Variants in DYNC2H1 observed in about 807,000 individuals in gnomAD.
The protein encoded by DYNC2H1 is dynein cytoplasmic 2 heavy chain 1.
In DYNC2H1, 410 loss-of-function variants were observed where a neutral mutation model predicts 570.0. The observed-to-expected ratio is 0.72, with a 90% CI of 0.66 to 0.78. The LOEUF (loss-of-function observed/expected upper bound fraction) is 0.78. DYNC2H1 is among the 30% of genes least tolerant of loss of function. DYNC2H1 has a pLI of 0.00. For synonymous variants in DYNC2H1, 1,688 were observed against 1,677.6 expected (o/e 1.01, Z -0.15); for missense variants, 4,865 against 5,046.4 (o/e 0.96, Z 1.09).
chr11:103,288,703 A>G (rs1466764780), intron 75 of DYNC2H1, among the ~76,000 whole-genome samples: 2 of 148,016 alleles, frequency 1.4e-5, no homozygotes, highest in South Asian at 2.1e-4. Context: ...AAAAAAAAAA[A>G]AAAAAAAGAA....
intron 70 of DYNC2H1, among the ~76,000 whole-genome samples, chr11:103,269,862 T>C (rs2135303249): frequency 6.6e-6 from 1 of 152,224 alleles, no homozygotes; most frequent in Non-Finnish European, 1.5e-5. Flanking sequence ...ATGGAAGTTG[T>C]TGGAGTATTC....
chr11:103,375,597 C>T (rs1278159974), intron 83 of DYNC2H1, among the ~76,000 whole-genome samples: 1 of 152,234 alleles, frequency 6.6e-6, no homozygotes. Context: ...AGATTTGAGA[C>T]ATGGAGTCAA....
intron 59 of DYNC2H1, among the ~76,000 whole-genome samples, chr11:103,224,900 C>T (rs972408854): frequency 1.3e-5 from 2 of 152,126 alleles, no homozygotes; most frequent in African/African-American, 4.8e-5. Flanking sequence ...CACTGCATCC[C>T]TGCCAACATC....
chr11:103,255,300 A>G, intron 66 of DYNC2H1, 115 bp from the exon 67 acceptor site: 1 of 1,154,634 alleles, frequency 8.7e-7, no homozygotes. Context: ...ATGAAATGAG[A>G]TAACATAGTA....
chr11:103,353,944 C>T (rs188188598), intron 82 of DYNC2H1, among the ~76,000 whole-genome samples: 156 of 151,690 alleles, frequency 1.0e-3, no homozygotes, highest in African/African-American at 3.6e-3. Flanking sequence ...TTTGGGAGGC[C>T]GAGGCAGGCG....
Position 103,295,103 on chromosome 11 carries a change from G to A in DYNC2H1, c.11095+7498G>A, listed in dbSNP as rs563680297. Among the ~76,000 whole-genome samples, 423 of 152,260 alleles carry A rather than the reference G, an allele frequency of 2.8e-3. 3 individuals carry two copies. The highest frequency in any genetic ancestry group is 4.1e-3 in the Non-Finnish European group (281 of 68,020). ...CTATGGACATCAGAATAGCACCAGG[G>A]CTTGCCCAAGGACTGCAGTCACTGT... On this transcript the variant is annotated intron_variant, in intron 75 of 88. Coordinates refer to ENST00000375735, the MANE Select transcript of DYNC2H1 (RefSeq NM_001377.3).
At chr11:103,211,715 C>T in intron 53 of DYNC2H1, 74 bp from the exon 54 acceptor site, 1 of 598,434 alleles carries the variant, frequency 1.7e-6, no homozygotes, top group East Asian at 3.2e-5. Flanking sequence ...AAATAACTAT[C>T]ATTAGGATAT....
At chr11:103,375,865 T>A (rs1941370009) in intron 83 of DYNC2H1, among the ~76,000 whole-genome samples, 1 of 152,180 alleles carries the variant, frequency 6.6e-6, no homozygotes, top group Non-Finnish European at 1.5e-5. Flanking sequence ...TGGGGGACTG[T>A]TGAGAAGGCA....
intron 83 of DYNC2H1, among the ~76,000 whole-genome samples, chr11:103,385,720 G>A (rs1000543214): frequency 6.6e-6 from 1 of 152,126 alleles, no homozygotes; most frequent in African/African-American, 2.4e-5. Flanking sequence ...TCTGGCTCCT[G>A]GAGAGATTTT....
intron 78 of DYNC2H1, among the ~76,000 whole-genome samples, chr11:103,310,677 T>C (rs1341662177): frequency 1.1e-4 from 9 of 79,876 alleles, no homozygotes; most frequent in African/African-American, 5.2e-4. Context: ...TATTTTCTTT[T>C]TTTTTTTTTT....
intron 79 of DYNC2H1, among the ~76,000 whole-genome samples, chr11:103,313,001 A>T (rs1358852128): frequency 6.8e-6 from 1 of 146,208 alleles, no homozygotes; most frequent in Non-Finnish European, 1.5e-5. Flanking sequence ...CACCATTTTA[A>T]ACCTCACCTC....
chr11:103,200,801 A>G (rs1205117449), intron 50 of DYNC2H1, among the ~76,000 whole-genome samples: 1 of 152,166 alleles, frequency 6.6e-6, no homozygotes, highest in Non-Finnish European at 1.5e-5. Flanking sequence ...AAATCAAGTA[A>G]TAAGTAATCT....
chr11:103,166,352 A>G (rs1221433792), intron 31 of DYNC2H1, among the ~76,000 whole-genome samples: 1 of 152,126 alleles, frequency 6.6e-6, no homozygotes, highest in African/African-American at 2.4e-5. Context: ...TTTGCTTTTA[A>G]CCATCAAAGT....
chr11:103,241,341 T>C lies in DYNC2H1; in HGVS notation c.9820-2352T>C, dbSNP rs533573587. Among the ~76,000 whole-genome samples the C allele has an allele frequency of 1.4e-4, 22 of 152,174 alleles. No individual in the cohort carries two copies. The highest frequency in any genetic ancestry group is 2.4e-4 in the Non-Finnish European group (16 of 68,022). ...TTTTGGATTGAGTATAGTTGTAGAA[T>C]TTAACTATATTTAATCATGGAATAC... On this transcript the variant is annotated intron_variant, in intron 63 of 88. Transcript: ENST00000375735. The surrounding 1 kb of genome is among the most constrained non-coding windows in gnomAD (Gnocchi z 5.1).
At chr11:103,302,915 A>G (rs1867107698) in intron 75 of DYNC2H1, among the ~76,000 whole-genome samples, 178 bp from the exon 76 acceptor site, 1 of 152,076 alleles carries the variant, frequency 6.6e-6, no homozygotes, top group Non-Finnish European at 1.5e-5. Context: ...CGGCACCTTA[A>G]GCATAAAACA....
chr11:103,169,532 A>G (rs1026837211), intron 32 of DYNC2H1, among the ~76,000 whole-genome samples: 3 of 152,146 alleles, frequency 2.0e-5, no homozygotes, highest in Admixed American at 6.6e-5. Context: ...TGGCTTTTTC[A>G]AAAGGGAAAT....
intron 4 of DYNC2H1, 58 bp from the exon 5 acceptor site, chr11:103,116,512 T>A (rs1858403212): frequency 7.3e-7 from 1 of 1,367,438 alleles, no homozygotes; most frequent in South Asian, 1.8e-5. Context: ...AACATTTTGA[T>A]TATATTACCC....
Position 103,174,068 on chromosome 11 carries a change from C to A in DYNC2H1, c.5572C>A (p.Pro1858Thr), listed in dbSNP as rs1238615119. Residue 1858 changes from proline (P) to threonine (T), a missense_variant, in exon 36 of 89, where the codon CCT (proline) becomes ACT (threonine). Transcript: ENST00000375735. ...IFNLSRELLT[P>T]QQHYDWGLRA... ...TCTCTATTTCAGGGAACTTTTGACA[C>A]CTCAGCAACATTATGATTGGGGTTT... is the stretch of plus-strand genomic sequence containing the variant. 37 of 1,584,612 alleles carry A rather than the reference C, an allele frequency of 2.3e-5. No individual in the cohort carries two copies. The highest frequency in any genetic ancestry group is 3.3e-4 in the Middle Eastern group (2 of 6,040).
At chr11:103,293,033 A>G (rs1011913132) in intron 75 of DYNC2H1, among the ~76,000 whole-genome samples, 2 of 152,304 alleles carry the variant, frequency 1.3e-5, no homozygotes, top group Admixed American at 6.5e-5. Context: ...AGTGACTTTT[A>G]TACCTTCAGA....
Sources: allele counts gnomAD v4.1 joint callset (sites outside exome capture counted in the v4.1 genomes callset), GRCh38; gene constraint gnomAD v4.1.1; non-coding constraint Gnocchi (gnomAD v3.1); transcripts MANE v1.5; gene names NCBI Gene and HGNC (gene_info 2026-07-23, HGNC 2026-07-21).